The following COL4A4 variants were observed in gnomAD, a reference collection of about 807,000 sequenced individuals.
COL4A4 encodes the protein collagen alpha-4(IV) chain.
A neutral mutation model predicts 192.9 loss-of-function variants in COL4A4; 105 were observed. That is an observed-to-expected ratio of 0.54 (90% CI 0.46 to 0.64). The LOEUF is 0.64. COL4A4 is among the 30% of genes least tolerant of loss of function. The pLI is 0.00. For missense variants in COL4A4, 1,967 were observed against 2,169.3 expected, an observed-to-expected ratio of 0.91 and a Z score of 1.85; for synonymous variants, 762 against 769.9, an observed-to-expected ratio of 0.99 and a Z score of 0.17.
chr2:227,088,953 G>A (rs1050443312), intron 21 of COL4A4, 137 bp from the exon 22 acceptor site: 22 of 1,012,546 alleles, frequency 2.2e-5, no homozygotes, highest in Admixed American at 1.6e-4. Context: ...TTGAGAGCAC[G>A]TGCTGTGGGG....
At chr2:227,056,674 T>G (rs889203838) in intron 29 of COL4A4, among the ~76,000 whole-genome samples, 3 of 152,236 alleles carry the variant, frequency 2.0e-5, no homozygotes, top group Non-Finnish European at 4.4e-5. Context: ...TCTGAATGTG[T>G]CCCTCCAAAA....
At chr2:226,979,222 C>T in the COL4A4 span, among the ~76,000 whole-genome samples, 1 of 152,146 alleles carries the variant, frequency 6.6e-6, no homozygotes, top group Non-Finnish European at 1.5e-5. Flanking sequence ...GAAGAAACTG[C>T]AGTCTCATTG....
chr2:227,050,885 G>GTA, intron 33 of COL4A4, 92 bp downstream of exon 33: 1 of 1,447,110 alleles, frequency 6.9e-7, no homozygotes, highest in Non-Finnish European at 9.7e-7. Context: ...AAGGGCAATG[G>GTA]TATATACGCT....
chr2:227,112,468 C>T (rs1231731071), intron 8 of COL4A4, among the ~76,000 whole-genome samples: 1 of 152,088 alleles, frequency 6.6e-6, no homozygotes, highest in African/African-American at 2.4e-5. Flanking sequence ...GGGGTTTCAC[C>T]ATGTTGGCCA....
chr2:227,066,399 C>T (rs548297921), intron 25 of COL4A4, among the ~76,000 whole-genome samples: 1 of 151,498 alleles, frequency 6.6e-6, no homozygotes, highest in Non-Finnish European at 1.5e-5. Context: ...AGAGCAACTC[C>T]AAGACACATA....
At chr2:227,071,318 T>C (rs1263152554) in intron 25 of COL4A4, among the ~76,000 whole-genome samples, 1 of 152,170 alleles carries the variant, frequency 6.6e-6, no homozygotes, top group Non-Finnish European at 1.5e-5. Context: ...ATGGTCACTA[T>C]GTAATGATAA....
chr2:227,118,811 C>T (rs2061623326), intron 6 of COL4A4, 50 bp from the exon 7 acceptor site: 2 of 1,162,410 alleles, frequency 1.7e-6, no homozygotes, highest in African/African-American at 1.5e-5. Flanking sequence ...AATATCATTA[C>T]ATAAAGGTTA....
At chr2:227,128,755 C>G (rs1270840015) in intron 4 of COL4A4, among the ~76,000 whole-genome samples, 2 of 152,150 alleles carry the variant, frequency 1.3e-5, no homozygotes, top group African/African-American at 4.8e-5. Flanking sequence ...AACTCTCGCA[C>G]GGGTTCCACA....
intron 34 of COL4A4, 107 bp downstream of exon 34, chr2:227,049,961 G>T: frequency 9.4e-7 from 1 of 1,066,234 alleles, no homozygotes; most frequent in Non-Finnish European, 1.5e-6. Flanking sequence ...GGGTGTTGCA[G>T]TTTCTTTGAT....
chr2:227,080,495 C>T lies in COL4A4; in HGVS notation c.1751G>A (p.Gly584Glu), dbSNP rs2150506036. The T allele has an allele frequency of 1.2e-6, 2 of 1,614,144 alleles. No homozygotes were observed. Among genetic ancestry groups the T allele is most frequent in the Non-Finnish European group, 1.7e-6 (2 of 1,180,028 alleles). The change falls in exon 24 of 48, where the codon GGA (glycine) becomes GAA (glutamate). Residue 584 changes from glycine to glutamate, a missense_variant. Coordinates refer to ENST00000396625, the MANE Select transcript of COL4A4 (RefSeq NM_000092.5). ...AGCATGTCCATCCCGACCATGTGAT[C>T]CTGGCTGCCCTGGAAATCCTGGGGG... Reference protein sequence around the residue: ...DGPPGFPGQPGSHGRDGHAGE... With the variant: ...DGPPGFPGQPESHGRDGHAGE...
In COL4A4 at chr2:227,007,302, C is replaced by T. The variant is rs779382052; in HGVS notation, c.*23G>A. 77 of 1,614,056 alleles carry T rather than the reference C, an allele frequency of 4.8e-5. No homozygotes were observed. The South Asian group carries it at 6.7e-4, about 14-fold the overall frequency. On this transcript the variant is annotated 3_prime_UTR_variant, in exon 48 of 48. Coordinates refer to ENST00000396625, the MANE Select transcript of COL4A4 (RefSeq NM_000092.5). Reference sequence around the variant, plus strand: ...CCCCCTAGGAAGTTTCTCTTGGCCACGTGTTGGTGAATTTCGCATTCTCTA... The same window carrying T: ...CCCCCTAGGAAGTTTCTCTTGGCCATGTGTTGGTGAATTTCGCATTCTCTA...
chr2:227,071,483 A>G (rs780929508), intron 25 of COL4A4, among the ~76,000 whole-genome samples: 3 of 152,134 alleles, frequency 2.0e-5, no homozygotes, highest in African/African-American at 7.2e-5. Context: ...ACAGCACTAG[A>G]CAGATCTTCA....
the COL4A4 span, chr2:226,995,285 G>A: frequency 1.6e-6 from 1 of 645,098 alleles, no homozygotes; most frequent in Non-Finnish European, 2.8e-6. Flanking sequence ...ACTGACAGCT[G>A]AAGTTGAAAA....
intron 25 of COL4A4, among the ~76,000 whole-genome samples, chr2:227,074,003 G>T (rs1188681141): frequency 6.6e-6 from 1 of 151,926 alleles, no homozygotes; most frequent in African/African-American, 2.4e-5. Flanking sequence ...AAGAATTCAT[G>T]AATAAGACCC....
intron 11 of COL4A4, 83 bp from the exon 12 acceptor site, chr2:227,108,705 A>C: frequency 6.5e-7 from 1 of 1,534,856 alleles, no homozygotes; most frequent in Admixed American, 1.7e-5. Context: ...TGGCTACACA[A>C]TATATTGCAG....
At chr2:227,000,059 G>GAGAT (rs1215949167), downstream of COL4A4, among the ~76,000 whole-genome samples, 4 of 152,222 alleles carry the variant, frequency 2.6e-5, no homozygotes, top group Non-Finnish European at 4.4e-5. Flanking sequence ...CTCTGACCTT[G>GAGAT]AGATACTATC....
chr2:227,115,446 T>C (rs2061442097), intron 7 of COL4A4, among the ~76,000 whole-genome samples: 1 of 151,582 alleles, frequency 6.6e-6, no homozygotes, highest in Admixed American at 6.6e-5. Context: ...AATTTTTTTG[T>C]ATTTTTTAGT....
chr2:227,114,906 T>A (rs900475602), intron 7 of COL4A4, among the ~76,000 whole-genome samples: 13 of 152,204 alleles, frequency 8.5e-5, no homozygotes, highest in Non-Finnish European at 1.5e-4. Context: ...TGTTAAGGAA[T>A]CTTCTAAGAC....
chr2:227,056,833 T>G (rs1375811299), intron 29 of COL4A4, among the ~76,000 whole-genome samples: 1 of 152,216 alleles, frequency 6.6e-6, no homozygotes, highest in Admixed American at 6.5e-5. Flanking sequence ...CATCTGCCTG[T>G]GAGGACACAA....
Sources: gnomAD v4.1 joint callset for allele counts (sites outside exome capture counted in the v4.1 genomes callset) on GRCh38, gnomAD v4.1.1 for gene constraint, MANE v1.5 for transcripts, NCBI Gene and HGNC (gene_info 2026-07-23, HGNC 2026-07-21) for gene names.